The following CAMSAP1 variants were observed in gnomAD, a reference collection of about 807,000 sequenced individuals.
The protein encoded by CAMSAP1 is calmodulin-regulated spectrin-associated protein 1.
A neutral mutation model predicts 143.5 loss-of-function variants in CAMSAP1; 58 were observed. That is an observed-to-expected ratio of 0.40 (90% CI 0.33 to 0.50). The LOEUF (loss-of-function observed/expected upper bound fraction) is 0.50. Ranked by LOEUF, CAMSAP1 falls within the 20% of genes least tolerant of loss-of-function variation. CAMSAP1 has a pLI of 0.45. For missense variants in CAMSAP1, 1,969 were observed against 2,115.7 expected (o/e 0.93, Z 1.36); for synonymous variants, 945 against 859.3 (o/e 1.10, Z -1.74).
rs1214977404 is a variant in CAMSAP1 at position 135,822,508 on chromosome 9, C to T, written c.2153G>A (p.Ser718Asn). ...DEDTEGRLYV[S>N]CSKSPNSHDS... is the part of the protein sequence containing the mutation. ...GTGGGAGTTGGGGCTTTTTGAACAA[C>T]TAACATATAACCTTCCCTCGGTGTC... Residue 718 changes from serine to asparagine, a missense_variant, in exon 11 of 17, where the codon AGT (serine) becomes AAT (asparagine). Around this residue, in one of 4 missense-constraint regions of CAMSAP1, gnomAD observed 1,390 missense variants for 1,420.8 expected, o/e 0.98. Coordinates refer to ENST00000389532, the MANE Select transcript of CAMSAP1 (RefSeq NM_015447.4). This position sits in a 1 kb window ranked among gnomAD's most constrained non-coding sequence, Gnocchi z 6.1. The T allele has an allele frequency of 1.2e-6, 2 of 1,613,898 alleles. No individual in the cohort carries two copies. The highest frequency in any genetic ancestry group is 3.3e-5 in the Admixed American group (2 of 60,016).
chr9:135,821,139 T>C lies in CAMSAP1; in HGVS notation c.3522A>G (p.Glu1174=), dbSNP rs146854444. 1 of 1,612,904 alleles carries C rather than the reference T, an allele frequency of 6.2e-7. No homozygotes were observed. Among genetic ancestry groups the C allele is most frequent in the African/African-American group, 1.3e-5 (1 of 74,944 alleles). Residue 1174 remains glutamate, a synonymous_variant, in exon 11 of 17, where the codon GAA becomes GAG. Coordinates refer to ENST00000389532, the MANE Select transcript of CAMSAP1 (RefSeq NM_015447.4). This position sits in a 1 kb window ranked among gnomAD's most constrained non-coding sequence, Gnocchi z 4.6. The part of the protein sequence containing the change: ...CLFDSYRLHD[E]SNQRTLTLSS... ...ACAGAGTAAGTGTCCGCTGATTGCT[T>C]TCATCATGGAGCCTGTAACTGTCGA...
intron 1 of CAMSAP1, among the ~76,000 whole-genome samples, chr9:135,888,895 C>T (rs533873293): frequency 9.2e-5 from 14 of 152,356 alleles, no homozygotes; most frequent in South Asian, 4.1e-4. Flanking sequence ...ACCTTGACAG[C>T]GGAGCGCCAG....
chr9:135,868,609 ATTTTTTTTTTT>A lies in CAMSAP1; in HGVS notation c.586-2084_586-2074del, dbSNP rs767495608. ...AAAGGCTTTTCTGATGAGATTGGCA[ATTTTTTTTTTT>A]TTTTTTTTTTTTTTTGAGATGGTGT... On this transcript the variant is annotated intron_variant, in intron 3 of 16. Coordinates refer to ENST00000389532, the MANE Select transcript of CAMSAP1 (RefSeq NM_015447.4). Among the ~76,000 whole-genome samples, 11 of 93,466 alleles carry A rather than the reference ATTTTTTTTTTT, an allele frequency of 1.2e-4. 1 individual carries two copies. Among genetic ancestry groups the A allele is most frequent in the Non-Finnish European group, 1.6e-4 (8 of 49,194 alleles). 61.3% of individuals were successfully genotyped at this position (93,466 alleles called of 152,430 possible).
At chr9:135,814,875 C>G (rs1264167428) in intron 16 of CAMSAP1, among the ~76,000 whole-genome samples, 5 of 152,218 alleles carry the variant, frequency 3.3e-5, no homozygotes, top group Non-Finnish European at 5.9e-5. Context: ...CTGAACCCTG[C>G]CCCGTCCTCC....
At chr9:135,862,742 G>A (rs1346072297) in intron 4 of CAMSAP1, 134 bp from the exon 5 acceptor site, 3 of 906,998 alleles carry the variant, frequency 3.3e-6, no homozygotes, top group East Asian at 2.7e-5. Context: ...CAATAATCTA[G>A]AAAGAGTTAG....
chr9:135,883,421 A>G (rs908603115), intron 1 of CAMSAP1, among the ~76,000 whole-genome samples: 2 of 152,184 alleles, frequency 1.3e-5, no homozygotes, highest in Admixed American at 6.5e-5. Context: ...GAAGGTAGAC[A>G]TGGGAGCCCT....
intron 3 of CAMSAP1, among the ~76,000 whole-genome samples, chr9:135,871,345 T>C (rs1837564519): frequency 6.6e-6 from 1 of 152,082 alleles, no homozygotes; most frequent in Non-Finnish European, 1.5e-5. Flanking sequence ...CACACCACCA[T>C]GCTTGGCTAA....
At chr9:135,903,577 A>G (rs1348806208) in intron 1 of CAMSAP1, among the ~76,000 whole-genome samples, 1 of 152,242 alleles carries the variant, frequency 6.6e-6, no homozygotes, top group Non-Finnish European at 1.5e-5. Context: ...AAATCTCAAA[A>G]GGCTAATGCA....
chr9:135,827,457 C>A lies in CAMSAP1; in HGVS notation c.1173G>T (p.Pro391=). ...GGTAGTGCCTGTGACAGCCTTCCGC[C>A]GGCAGCTGCACGGGGGGCTGCAGCT... ...LAELQPPVQL[P]AEGCHRHYLH... The change falls in exon 8 of 17, where the codon CCG becomes CCT. Residue 391 remains proline, a synonymous_variant. Transcript: ENST00000389532. 6.2e-7 allele frequency: 1 copy of A among 1,602,902 alleles called. No homozygotes were observed. Among genetic ancestry groups the A allele is most frequent in the Non-Finnish European group, 8.5e-7 (1 of 1,171,840 alleles).
chr9:135,901,867 A>G (rs527325787), intron 1 of CAMSAP1, among the ~76,000 whole-genome samples: 8 of 152,190 alleles, frequency 5.3e-5, no homozygotes, highest in Non-Finnish European at 1.0e-4. Flanking sequence ...ATCACTTACT[A>G]TTTCAGTCCA....
chr9:135,890,761 CCTCA>C (rs1467155047), intron 1 of CAMSAP1, among the ~76,000 whole-genome samples: 1 of 152,184 alleles, frequency 6.6e-6, no homozygotes, highest in African/African-American at 2.4e-5. Context: ...ATATCTTAGG[CCTCA>C]GACTGTTTCC....
At chr9:135,893,983 G>C (rs755957616) in intron 1 of CAMSAP1, among the ~76,000 whole-genome samples, 1 of 152,162 alleles carries the variant, frequency 6.6e-6, no homozygotes, top group Non-Finnish European at 1.5e-5. Context: ...CACAGCAACA[G>C]GGTGTTCTTA....
At position 135,822,463 on chromosome 9, in the gene CAMSAP1, A is replaced by C; in HGVS notation, c.2198T>G (p.Leu733Arg). The C allele has an allele frequency of 1.9e-6, 3 of 1,613,488 alleles. No individual in the cohort carries two copies. Among genetic ancestry groups the C allele is most frequent in the Non-Finnish European group, 2.5e-6 (3 of 1,179,896 alleles). The change falls in exon 11 of 17, where the codon CTC becomes CGC. Residue 733 changes from leucine (L) to arginine (R), a missense_variant. Around this residue, in one of 4 missense-constraint regions of CAMSAP1, gnomAD observed 1,390 missense variants for 1,420.8 expected, o/e 0.98. Transcript: ENST00000389532. This position sits in a 1 kb window ranked among gnomAD's most constrained non-coding sequence, Gnocchi z 6.1. ...ATCCGAGTCAGAATCCTGCCTGAGG[A>C]GAGTCCACGGCTCTGAATCGTGGGA... ...PNSHDSEPWT[L>R]LRQDSDSDVV...
At chr9:135,902,436 TA>T (rs1838644641) in intron 1 of CAMSAP1, among the ~76,000 whole-genome samples, 1 of 152,190 alleles carries the variant, frequency 6.6e-6, no homozygotes. Context: ...CCTGTAAATT[TA>T]AATAAAGAGT....
At chr9:135,906,423 AG>A (rs1838779021) in intron 1 of CAMSAP1, among the ~76,000 whole-genome samples, 1 of 152,234 alleles carries the variant, frequency 6.6e-6, no homozygotes, top group Non-Finnish European at 1.5e-5. Flanking sequence ...TAAGCACATT[AG>A]GGCCTAACAA....
chr9:135,861,095 G>C (rs1339733374), intron 5 of CAMSAP1, among the ~76,000 whole-genome samples: 1 of 152,114 alleles, frequency 6.6e-6, no homozygotes, highest in East Asian at 1.9e-4. Context: ...CATCTGTCAG[G>C]CCTCCTCAGT....
At chr9:135,881,217 C>G (rs1380796897) in intron 3 of CAMSAP1, among the ~76,000 whole-genome samples, 1 of 151,902 alleles carries the variant, frequency 6.6e-6, no homozygotes, top group Non-Finnish European at 1.5e-5. Context: ...ATTAGCCAAG[C>G]ATAGTAGCAC....
chr9:135,880,459 C>T (rs747592872), intron 3 of CAMSAP1, among the ~76,000 whole-genome samples: 1 of 152,126 alleles, frequency 6.6e-6, no homozygotes, highest in African/African-American at 2.4e-5. Context: ...CCTACCTCAC[C>T]GCAGGATAAG....
intron 15 of CAMSAP1, among the ~76,000 whole-genome samples, chr9:135,815,435 C>T (rs896603027): frequency 6.6e-6 from 1 of 152,112 alleles, no homozygotes; most frequent in East Asian, 1.9e-4. Flanking sequence ...AATAATTTAT[C>T]CCCTTTCTAA....
Sources: gnomAD v4.1 joint callset for allele counts (sites outside exome capture counted in the v4.1 genomes callset) on GRCh38, gnomAD v4.1.1 for gene constraint, gnomAD v4.1.1 regional missense constraint, Gnocchi (gnomAD v3.1) non-coding constraint, MANE v1.5 for transcripts, NCBI Gene and HGNC (gene_info 2026-07-23, HGNC 2026-07-21) for gene names.